The following SLC35F3 variants were observed in gnomAD, a reference collection of about 807,000 sequenced individuals.
SLC35F3 encodes the protein putative thiamine transporter SLC35F3.
Under a neutral mutation model 49.9 loss-of-function variants are expected in SLC35F3, and 25 were observed. That is an observed-to-expected ratio of 0.50 (90% CI 0.37 to 0.70). The LOEUF is 0.70. Ranked by LOEUF, SLC35F3 falls within the 30% of genes least tolerant of loss-of-function variation. The pLI, the probability that SLC35F3 is intolerant of heterozygous loss-of-function variation, is 0.00. For missense variants in SLC35F3, 525 were observed against 639.8 expected (o/e 0.82, Z 1.94); for synonymous variants, 275 against 265.4 (o/e 1.04, Z -0.35).
At chr1:233,947,490 G>T (rs1662530523) in intron 2 of SLC35F3, among the ~76,000 whole-genome samples, 1 of 151,040 alleles carries the variant, frequency 6.6e-6, no homozygotes, top group Non-Finnish European at 1.5e-5. Context: ...GATCCTGCTG[G>T]GACTCCCAGG....
At chr1:234,104,262 T>C (rs1665251862) in intron 2 of SLC35F3, among the ~76,000 whole-genome samples, 1 of 152,178 alleles carries the variant, frequency 6.6e-6, no homozygotes, top group African/African-American at 2.4e-5. Flanking sequence ...GCAGATAATG[T>C]CACTAAAGTG....
At chr1:234,165,038 TTGTGTGTGTGTGTGTGTGTGTG>T (rs58676109) in intron 2 of SLC35F3, among the ~76,000 whole-genome samples, 1 of 137,804 alleles carries the variant, frequency 7.3e-6, no homozygotes, top group Non-Finnish European at 1.6e-5. Context: ...TAGCTTCAAT[TTGTGTGTGTGTGTGTGTGTGTG>T]TGTGTGTGTG....
chr1:234,206,885 G>T (rs750288009), intron 2 of SLC35F3, among the ~76,000 whole-genome samples: 61 of 152,216 alleles, frequency 4.0e-4, no homozygotes, highest in Non-Finnish European at 7.5e-4. Context: ...CTGTGCTCAG[G>T]AATAACTAAG....
chr1:234,083,753 C>T (rs1411319772), intron 2 of SLC35F3, among the ~76,000 whole-genome samples: 1 of 151,992 alleles, frequency 6.6e-6, no homozygotes, highest in East Asian at 1.9e-4. Flanking sequence ...AGCTTGCTGT[C>T]AATTTACCAC....
chr1:234,306,938 G>T (rs1572145311), intron 3 of SLC35F3, among the ~76,000 whole-genome samples: 1 of 152,188 alleles, frequency 6.6e-6, no homozygotes, highest in Non-Finnish European at 1.5e-5. Flanking sequence ...TCTTCTCTTA[G>T]AAAGGGAAAC....
At position 234,155,073 on chromosome 1, in the gene SLC35F3, C is replaced by T. The variant is rs541795649; in HGVS notation, c.284-76344C>T. Among the ~76,000 whole-genome samples, 57 of 152,208 alleles carry T rather than the reference C, an allele frequency of 3.7e-4. 1 individual carries two copies. In the South Asian group the frequency reaches 8.9e-3, roughly 24 times the overall value. The stretch of plus-strand genomic sequence containing the variant: ...TATAATACCTAACACAATGTAAATG[C>T]TATGTTAATAGTTGTTATGCTGTAT... On this transcript the variant is annotated intron_variant, in intron 2 of 7. Transcript: ENST00000366618.
intron 2 of SLC35F3, among the ~76,000 whole-genome samples, chr1:234,077,130 C>G (rs977151822): frequency 6.6e-6 from 1 of 151,186 alleles, no homozygotes; most frequent in Non-Finnish European, 1.5e-5. Flanking sequence ...TCAGCCTCCC[C>G]AGTAGCTGGG....
At chr1:234,051,820 A>T (rs191450634) in intron 2 of SLC35F3, among the ~76,000 whole-genome samples, 49 of 152,268 alleles carry the variant, frequency 3.2e-4, no homozygotes, top group African/African-American at 1.1e-3. Context: ...TCCCATCAAT[A>T]CCTAGTTTAT....
At chr1:233,997,457 T>C (rs1326643431) in intron 2 of SLC35F3, among the ~76,000 whole-genome samples, 4 of 152,194 alleles carry the variant, frequency 2.6e-5, no homozygotes, top group Non-Finnish European at 5.9e-5. Flanking sequence ...TGAGGTGATA[T>C]CTCATTGTGG....
chr1:234,146,995 G>A (rs1666007446), intron 2 of SLC35F3, among the ~76,000 whole-genome samples: 1 of 152,084 alleles, frequency 6.6e-6, no homozygotes. Context: ...CAAAGATATT[G>A]GAAAATCTTA....
At chr1:234,149,819 G>A (rs761893330) in intron 2 of SLC35F3, among the ~76,000 whole-genome samples, 5 of 152,166 alleles carry the variant, frequency 3.3e-5, no homozygotes, top group Non-Finnish European at 7.4e-5. Context: ...AGAGAAACAT[G>A]CCAAAAATGT....
At chr1:233,920,006 G>GA (rs1242267453) in intron 2 of SLC35F3, among the ~76,000 whole-genome samples, 2 of 152,184 alleles carry the variant, frequency 1.3e-5, no homozygotes, top group Admixed American at 6.5e-5. Context: ...CCTCATGGGT[G>GA]AGTCATCTCT....
intron 2 of SLC35F3, among the ~76,000 whole-genome samples, chr1:234,021,188 C>CCAGACCTTG (rs111945960): frequency 0.081 from 12,282 of 152,058 alleles, 1,098 homozygotes; most frequent in African/African-American, 0.21. Flanking sequence ...CCAGCAGGCT[C>CCAGACCTTG]CAGACCTTGC....
At chr1:234,023,263 A>C (rs941950305) in intron 2 of SLC35F3, among the ~76,000 whole-genome samples, 2 of 152,190 alleles carry the variant, frequency 1.3e-5, no homozygotes, top group Admixed American at 6.5e-5. Context: ...CTGATTTTAG[A>C]GCTGAGGAAG....
chr1:234,041,595 TAAA>T (rs1664222732), intron 2 of SLC35F3, among the ~76,000 whole-genome samples: 1 of 152,030 alleles, frequency 6.6e-6, no homozygotes, highest in Non-Finnish European at 1.5e-5. Flanking sequence ...GTGGCAGACT[TAAA>T]AGAAAATAGC....
intron 2 of SLC35F3, among the ~76,000 whole-genome samples, chr1:234,003,041 C>T (rs145890275): frequency 6.6e-5 from 10 of 150,832 alleles, no homozygotes; most frequent in African/African-American, 1.9e-4. Flanking sequence ...TAATTCCTGC[C>T]GCTACAAGAT....
At chr1:234,215,361 G>A (rs1667105933) in intron 2 of SLC35F3, among the ~76,000 whole-genome samples, 1 of 152,156 alleles carries the variant, frequency 6.6e-6, no homozygotes, top group Non-Finnish European at 1.5e-5. Flanking sequence ...CTGGCCTAAG[G>A]GGCCTTGCTT....
chr1:234,231,851 C>G lies in SLC35F3; in HGVS notation c.608+110C>G, dbSNP rs1046221611. ...GCGCTGGGATGAGCCGGTGGGAGCCCGTGGAGAGATGTTGCAGTGAATGCA... is the reference window on the plus strand; with the variant it reads ...GCGCTGGGATGAGCCGGTGGGAGCCGGTGGAGAGATGTTGCAGTGAATGCA... On this transcript the variant is annotated intron_variant, in intron 3 of 7. Coordinates refer to ENST00000366618, the MANE Select transcript of SLC35F3 (RefSeq NM_173508.4). The surrounding 1 kb of genome is among the most constrained non-coding windows in gnomAD (Gnocchi z 5.4). The G allele has an allele frequency of 1.9e-6, 2 of 1,062,798 alleles. No homozygotes were observed. The highest frequency in any genetic ancestry group is 1.6e-5 in the African/African-American group (1 of 62,702). The allele number at this position is 1,062,798 out of a possible 1,614,324, so 65.8% of individuals were successfully genotyped here. A position where few individuals can be genotyped will look rare whatever the true frequency, so the allele number is the denominator to read the frequency against.
chr1:233,953,440 G>A (rs1662642272), intron 2 of SLC35F3, among the ~76,000 whole-genome samples: 1 of 152,220 alleles, frequency 6.6e-6, no homozygotes, highest in Admixed American at 6.5e-5. Flanking sequence ...CAACACATCA[G>A]TAATGATTGT....
Sources: allele counts gnomAD v4.1 joint callset (sites outside exome capture counted in the v4.1 genomes callset), GRCh38; gene constraint gnomAD v4.1.1; non-coding constraint Gnocchi (gnomAD v3.1); transcripts MANE v1.5; gene names NCBI Gene and HGNC (gene_info 2026-07-23, HGNC 2026-07-21).